The following RYR3 variants were observed in gnomAD, a reference collection of about 807,000 sequenced individuals.
The protein encoded by RYR3 is ryanodine receptor 3.
A neutral mutation model predicts 584.3 loss-of-function variants in RYR3; 207 were observed. That is an observed-to-expected ratio of 0.35 (90% CI 0.32 to 0.40). The LOEUF (loss-of-function observed/expected upper bound fraction) is 0.40, where lower values mean the gene tolerates loss of function less well. Ranked by LOEUF, RYR3 falls within the 10% of genes least tolerant of loss-of-function variation. The pLI, the probability that RYR3 is intolerant of heterozygous loss-of-function variation, is 1.00. For synonymous variants in RYR3, 2,416 were observed against 2,248.5 expected, an observed-to-expected ratio of 1.07 and a Z score of -2.11; for missense variants, 5,616 against 6,089.2, an observed-to-expected ratio of 0.92 and a Z score of 2.59.
At position 33,635,746 on chromosome 15, in the gene RYR3, G is replaced by T; in HGVS notation, c.3308G>T (p.Trp1103Leu). 1.2e-6 allele frequency: 2 copies of T among 1,613,898 alleles called. No homozygotes were observed. Among genetic ancestry groups the T allele is most frequent in the Non-Finnish European group, 1.7e-6 (2 of 1,179,880 alleles). Reference sequence around the variant, plus strand: ...ACTGGAGGAGACATGCGAGTCGGCTGGGCGAGGCCAGGCTGTCGACCTGAT... The same window carrying T: ...ACTGGAGGAGACATGCGAGTCGGCTTGGCGAGGCCAGGCTGTCGACCTGAT... ...VVTGGDMRVGWARPGCRPDVE... is the reference protein window; with the variant it reads ...VVTGGDMRVGLARPGCRPDVE... Residue 1103 changes from tryptophan to leucine, a missense_variant, in exon 26 of 104, where the codon TGG (tryptophan) becomes TTG (leucine). Coordinates refer to ENST00000634891, the MANE Select transcript of RYR3 (RefSeq NM_001036.6).
At chr15:33,659,950 G>A (rs1028300662) in intron 33 of RYR3, 144 bp downstream of exon 33, 15 of 660,046 alleles carry the variant, frequency 2.3e-5, no homozygotes, top group Admixed American at 1.1e-4. Flanking sequence ...CCTTTCCTGT[G>A]GCATTCAGAT....
chr15:33,611,345 A>G (rs148997978), intron 18 of RYR3, among the ~76,000 whole-genome samples: 2,365 of 152,178 alleles, frequency 0.016, 56 homozygotes, highest in African/African-American at 0.051. Context: ...TCACGAGGTC[A>G]GGAGATCGAG....
intron 12 of RYR3, among the ~76,000 whole-genome samples, chr15:33,575,582 A>G (rs1193581995): frequency 6.6e-6 from 1 of 152,230 alleles, no homozygotes; most frequent in Admixed American, 6.5e-5. Context: ...CAAAGAGACA[A>G]TGTACCAGAA....
At chr15:33,446,629 G>A (rs555918330) in intron 1 of RYR3, among the ~76,000 whole-genome samples, 16 of 152,160 alleles carry the variant, frequency 1.1e-4, no homozygotes, top group Non-Finnish European at 1.8e-4. Flanking sequence ...AGGGCCCACC[G>A]TATGACCTGA....
chr15:33,650,831 C>T (rs982017098), intron 31 of RYR3, among the ~76,000 whole-genome samples: 2 of 152,158 alleles, frequency 1.3e-5, no homozygotes, highest in South Asian at 4.1e-4. Flanking sequence ...GCAATTCAAA[C>T]CCATGTTTTT....
At chr15:33,595,977 C>G (rs631803) in intron 16 of RYR3, among the ~76,000 whole-genome samples, 67,263 of 151,572 alleles carry the variant, frequency 0.44, 15,448 homozygotes, top group East Asian at 0.79. Flanking sequence ...TTCTGAACAT[C>G]CCTCCTTTTT....
intron 16 of RYR3, among the ~76,000 whole-genome samples, chr15:33,594,027 A>G (rs2059259177): frequency 6.6e-6 from 1 of 152,184 alleles, no homozygotes; most frequent in Non-Finnish European, 1.5e-5. Context: ...TGTACCATCA[A>G]ATACCTATGA....
chr15:33,426,247 T>C (rs1346669002), intron 1 of RYR3, among the ~76,000 whole-genome samples: 1 of 152,240 alleles, frequency 6.6e-6, no homozygotes, highest in Non-Finnish European at 1.5e-5. Context: ...TAAAATACTT[T>C]GATTTCAATA....
Position 33,490,010 on chromosome 15 carries a change from A to G in RYR3, c.172-13621A>G, listed in dbSNP as rs535785072. On this transcript the variant is annotated intron_variant, in intron 2 of 103. Transcript: ENST00000634891. ...CTGAACCATTTTGAACCATTTGCAAACAAAAAACTTTTTTATTCTTAACTT... is the reference window on the plus strand; with the variant it reads ...CTGAACCATTTTGAACCATTTGCAAGCAAAAAACTTTTTTATTCTTAACTT... 1.1e-4 allele frequency among the ~76,000 whole-genome samples: 16 copies of G among 152,344 alleles called. 1 individual carries two copies. The South Asian group carries it at 3.3e-3, about 32-fold the overall frequency.
intron 3 of RYR3, among the ~76,000 whole-genome samples, chr15:33,509,661 G>A (rs558704163): frequency 1.3e-5 from 2 of 152,310 alleles, no homozygotes; most frequent in South Asian, 4.2e-4. Flanking sequence ...TGTGATGTAA[G>A]TCCTAGGTCT....
At chr15:33,512,886 G>A (rs531013702) in intron 3 of RYR3, among the ~76,000 whole-genome samples, 1 of 152,316 alleles carries the variant, frequency 6.6e-6, no homozygotes, top group South Asian at 2.1e-4. Flanking sequence ...GACACAATCT[G>A]TAGGTAAACA....
At chr15:33,628,604 G>A (rs753764668) in intron 21 of RYR3, 29 bp downstream of exon 21, 11 of 1,435,152 alleles carry the variant, frequency 7.7e-6, no homozygotes, top group Non-Finnish European at 9.8e-6. Context: ...GGTTAGGGTG[G>A]AGGGTGGGAT....
rs1475082471 is a variant in RYR3, at chr15:33,837,834, A to G, written c.11854A>G (p.Lys3952Glu). Residue 3952 changes from lysine (K) to glutamate (E), a missense_variant, in exon 89 of 104, where the codon AAA (lysine) becomes GAA (glutamate). By Grantham distance (56) the Lys-to-Glu change is moderately conservative. Transcript: ENST00000634891. Reference sequence around the variant, plus strand: ...ATTCCAGAAGGCCATGGAAGGGCAAAAACAGTACACGCAGTCAGAGATTGA... The same window carrying G: ...ATTCCAGAAGGCCATGGAAGGGCAAGAACAGTACACGCAGTCAGAGATTGA... ...KEFQKAMEGQKQYTQSEIDFL... is the reference protein window; with the variant it reads ...KEFQKAMEGQEQYTQSEIDFL... The G allele has an allele frequency of 6.2e-7, 1 of 1,613,932 alleles. No homozygotes were observed. Among genetic ancestry groups the G allele is most frequent in the Non-Finnish European group, 8.5e-7 (1 of 1,179,914 alleles).
intron 10 of RYR3, among the ~76,000 whole-genome samples, chr15:33,552,871 G>A (rs1268961535): frequency 6.6e-6 from 1 of 152,172 alleles, no homozygotes; most frequent in Non-Finnish European, 1.5e-5. Flanking sequence ...GCCTTGCTTG[G>A]CACGGGCTTT....
At chr15:33,567,972 C>A (rs1567555669) in intron 12 of RYR3, among the ~76,000 whole-genome samples, 2 of 152,300 alleles carry the variant, frequency 1.3e-5, no homozygotes, top group East Asian at 1.9e-4. Context: ...TCAGAATCTG[C>A]AGATGTTGGA....
chr15:33,857,873 G>C lies in RYR3; in HGVS notation c.14101G>C (p.Asp4701His), dbSNP rs1171047288. 1 of 1,614,074 alleles carries C rather than the reference G, an allele frequency of 6.2e-7. No individual in the cohort carries two copies. Among genetic ancestry groups the C allele is most frequent in the Non-Finnish European group, 8.5e-7 (1 of 1,180,046 alleles). Residue 4701 changes from aspartate to histidine, a missense_variant, in exon 99 of 104, where the codon GAC (aspartate) becomes CAC (histidine). Coordinates refer to ENST00000634891, the MANE Select transcript of RYR3 (RefSeq NM_001036.6). ...FFRKFYNKSE[D>H]DDEPDMKCDD... Reference sequence around the variant, plus strand: ...CCGCAAGTTCTACAACAAAAGCGAAGACGATGACGAGCCCGATATGAAGTG... The same window carrying C: ...CCGCAAGTTCTACAACAAAAGCGAACACGATGACGAGCCCGATATGAAGTG...
chr15:33,822,919 C>A, intron 80 of RYR3, 77 bp from the exon 81 acceptor site: 1 of 1,179,956 alleles, frequency 8.5e-7, no homozygotes, highest in Non-Finnish European at 1.2e-6. Context: ...CTGGGGATTT[C>A]TCCATCAGGA....
At position 33,838,445 on chromosome 15, in the gene RYR3, C is replaced by A. The variant is rs754018046; in HGVS notation, c.12465C>A (p.Asp4155Glu). 6.2e-7 allele frequency: 1 copy of A among 1,614,006 alleles called. No homozygotes were observed. The highest frequency in any genetic ancestry group is 8.5e-7 in the Non-Finnish European group (1 of 1,179,892). The change falls in exon 89 of 104, where the codon GAC (aspartate) becomes GAA (glutamate). Residue 4155 changes from aspartate to glutamate, a missense_variant. By Grantham distance (45) the Asp-to-Glu change is conservative. Transcript: ENST00000634891. Reference protein sequence around the residue: ...ACASVKRNVTDFLKRATLKNL... With the variant: ...ACASVKRNVTEFLKRATLKNL... The stretch of plus-strand genomic sequence containing the variant: ...CCTCTGTGAAGAGGAATGTCACCGA[C>A]TTCCTGAAGAGAGCAACCCTGAAGA...
intron 60 of RYR3, among the ~76,000 whole-genome samples, chr15:33,767,639 C>T (rs1329743521): frequency 6.6e-6 from 1 of 152,182 alleles, no homozygotes. Context: ...GTAAGGAGCT[C>T]CGTGATGAGT....
Sources: gnomAD v4.1 joint callset for allele counts (sites outside exome capture counted in the v4.1 genomes callset) on GRCh38, gnomAD v4.1.1 for gene constraint, MANE v1.5 for transcripts, NCBI Gene and HGNC (gene_info 2026-07-23, HGNC 2026-07-21) for gene names.